The following LUZP2 variants were observed in gnomAD, a reference collection of about 807,000 sequenced individuals.
LUZP2 encodes leucine zipper protein 2.
A neutral mutation model predicts 51.6 loss-of-function variants in LUZP2; 52 were observed. That is an observed-to-expected ratio of 1.01 (90% CI 0.81 to 1.27). The LOEUF (loss-of-function observed/expected upper bound fraction) is 1.27. Ranked by LOEUF, LUZP2 falls within the 50% of genes most tolerant of loss-of-function variation. The pLI is 0.00. For synonymous variants in LUZP2, 154 were observed against 137.3 expected, an observed-to-expected ratio of 1.12 and a Z score of -0.85; for missense variants, 436 against 395.4, an observed-to-expected ratio of 1.10 and a Z score of -0.87.
intron 5 of LUZP2, among the ~76,000 whole-genome samples, chr11:24,827,024 T>C (rs1315246205): frequency 6.6e-6 from 1 of 152,278 alleles, no homozygotes; most frequent in East Asian, 1.9e-4. Flanking sequence ...TCATTGGGTT[T>C]TCAATTTAAA....
chr11:24,656,751 C>T (rs1012196768), intron 1 of LUZP2, among the ~76,000 whole-genome samples: 2 of 152,190 alleles, frequency 1.3e-5, no homozygotes, highest in African/African-American at 4.8e-5. Flanking sequence ...TTAAAGCCAG[C>T]AACAGCAGGC....
At chr11:24,950,836 A>G (rs976983267) in intron 7 of LUZP2, among the ~76,000 whole-genome samples, 6 of 151,630 alleles carry the variant, frequency 4.0e-5, no homozygotes, top group African/African-American at 1.4e-4. Flanking sequence ...GTGAGGAATT[A>G]GGTTAATTAT....
rs1852934282 is a variant in LUZP2 at position 24,583,166 on chromosome 11, C to T, written c.62+85861C>T. Among the ~76,000 whole-genome samples, 3 of 152,090 alleles carry T rather than the reference C, an allele frequency of 2.0e-5. No homozygotes were observed. In the East Asian group the frequency reaches 5.8e-4, roughly 29 times the overall value. On this transcript the variant is annotated intron_variant, in intron 1 of 11. Transcript: ENST00000336930. ...ACACGTATGTATGTACACATAATATCACATATCATTATATGTAATATACAT... is the reference window on the plus strand; with the variant it reads ...ACACGTATGTATGTACACATAATATTACATATCATTATATGTAATATACAT...
intron 10 of LUZP2, among the ~76,000 whole-genome samples, chr11:25,066,150 G>T (rs954833724): frequency 6.8e-6 from 1 of 146,118 alleles, no homozygotes; most frequent in East Asian, 2.0e-4. Flanking sequence ...CTTCTCGGGG[G>T]ATTTTATTTC....
At chr11:24,849,145 T>C (rs904834730) in intron 5 of LUZP2, among the ~76,000 whole-genome samples, 4 of 152,080 alleles carry the variant, frequency 2.6e-5, no homozygotes, top group African/African-American at 9.7e-5. Flanking sequence ...TTTTTTATTA[T>C]TATACTTTAA....
At chr11:24,889,607 T>C (rs5000667) in intron 5 of LUZP2, among the ~76,000 whole-genome samples, 76,186 of 152,010 alleles carry the variant, frequency 0.5, 19,515 homozygotes, top group East Asian at 0.7. Flanking sequence ...TTTTGAAGCA[T>C]ATACCATCTG....
At chr11:24,841,149 C>T (rs1174638811) in intron 5 of LUZP2, among the ~76,000 whole-genome samples, 1 of 151,650 alleles carries the variant, frequency 6.6e-6, no homozygotes, top group Admixed American at 6.6e-5. Flanking sequence ...GGAGATGAAG[C>T]CTTTGGGAGG....
At chr11:24,651,909 T>G (rs555660917) in intron 1 of LUZP2, among the ~76,000 whole-genome samples, 7 of 152,274 alleles carry the variant, frequency 4.6e-5, no homozygotes, top group African/African-American at 1.7e-4. Context: ...ACCTTGTGAA[T>G]TTTGGATGTG....
At chr11:24,659,122 A>G (rs560568147) in intron 1 of LUZP2, among the ~76,000 whole-genome samples, 18 of 152,276 alleles carry the variant, frequency 1.2e-4, no homozygotes, top group African/African-American at 3.1e-4. Flanking sequence ...ACATGCAAAC[A>G]TATGTTTATT....
chr11:24,823,872 G>T (rs1167778637), intron 5 of LUZP2, among the ~76,000 whole-genome samples: 5 of 151,840 alleles, frequency 3.3e-5, no homozygotes, highest in African/African-American at 1.2e-4. Context: ...GACCATCCTG[G>T]CTAACATGGT....
intron 1 of LUZP2, among the ~76,000 whole-genome samples, chr11:24,681,286 T>G (rs1856730145): frequency 6.6e-6 from 1 of 152,166 alleles, no homozygotes; most frequent in Non-Finnish European, 1.5e-5. Context: ...CGGCCTAATT[T>G]CCTTATTTCT....
chr11:25,019,749 CACTATTTAA>C (rs1418067825), intron 9 of LUZP2, among the ~76,000 whole-genome samples: 1 of 152,020 alleles, frequency 6.6e-6, no homozygotes, highest in East Asian at 1.9e-4. Flanking sequence ...TTATCATGCA[CACTATTTAA>C]ACTGCCGTTA....
At chr11:24,658,577 G>T (rs1192736574) in intron 1 of LUZP2, among the ~76,000 whole-genome samples, 1 of 152,104 alleles carries the variant, frequency 6.6e-6, no homozygotes, top group Non-Finnish European at 1.5e-5. Context: ...TGACAAATGG[G>T]ATCTAATTAA....
chr11:25,015,911 G>A (rs907313162), intron 9 of LUZP2, among the ~76,000 whole-genome samples: 1 of 118,002 alleles, frequency 8.5e-6, no homozygotes, highest in East Asian at 2.6e-4. Flanking sequence ...TTTTTTTTTT[G>A]TATTTTTTAC....
intron 5 of LUZP2, among the ~76,000 whole-genome samples, chr11:24,856,968 A>G (rs1331290288): frequency 6.6e-6 from 1 of 152,020 alleles, no homozygotes; most frequent in Admixed American, 6.6e-5. Flanking sequence ...TTGAGGGATG[A>G]GAAATTACTT....
At position 24,907,299 on chromosome 11, in the gene LUZP2, C is replaced by CAAA. The variant is rs71044324; in HGVS notation, c.459+1260_459+1262dup. On this transcript the variant is annotated intron_variant, in intron 6 of 11. Coordinates refer to ENST00000336930, the MANE Select transcript of LUZP2 (RefSeq NM_001009909.4). ...CAAGAAAAAATCATTAACACAAATA[C>CAAA]AAAAAAAAAAAAAAAACATTAACAC... 7.7e-5 allele frequency among the ~76,000 whole-genome samples: 8 copies of CAAA among 103,794 alleles called. 1 individual carries two copies. In the South Asian group the frequency reaches 1.5e-3, roughly 19 times the overall value. The allele number at this position is 103,794 out of a possible 152,430, so 68.1% of individuals were successfully genotyped here.
chr11:24,631,402 T>G (rs1204474988), intron 1 of LUZP2, among the ~76,000 whole-genome samples: 2 of 151,906 alleles, frequency 1.3e-5, no homozygotes, highest in East Asian at 3.9e-4. Flanking sequence ...TATTGTTTTT[T>G]TTTTTCTTTT....
At chr11:24,848,219 T>A (rs1851265044) in intron 5 of LUZP2, among the ~76,000 whole-genome samples, 1 of 152,188 alleles carries the variant, frequency 6.6e-6, no homozygotes, top group Admixed American at 6.6e-5. Flanking sequence ...TTTATCTATC[T>A]ATATTAAAAC....
chr11:24,532,629 G>A (rs1039673765), intron 1 of LUZP2, among the ~76,000 whole-genome samples: 3 of 150,846 alleles, frequency 2.0e-5, no homozygotes, highest in Non-Finnish European at 4.5e-5. Flanking sequence ...TGCTTACATA[G>A]TAACTTTCTG....
Sources: allele counts gnomAD v4.1 joint callset (sites outside exome capture counted in the v4.1 genomes callset), GRCh38; gene constraint gnomAD v4.1.1; transcripts MANE v1.5; gene names NCBI Gene and HGNC (gene_info 2026-07-23, HGNC 2026-07-21).